The following VPS13D variants were observed in gnomAD, a reference collection of about 807,000 sequenced individuals.
The protein encoded by VPS13D is intermembrane lipid transfer protein VPS13D.
A neutral mutation model predicts 461.9 loss-of-function variants in VPS13D; 187 were observed. That is an observed-to-expected ratio of 0.40 (90% CI 0.36 to 0.46). VPS13D has a LOEUF of 0.46. Among genes scored for constraint, VPS13D ranks in the 20% least tolerant of loss-of-function variants. The pLI is 0.60. For missense variants in VPS13D, 4,711 were observed against 5,364.9 expected, an observed-to-expected ratio of 0.88 and a Z score of 3.81; for synonymous variants, 1,951 against 1,986.3, an observed-to-expected ratio of 0.98 and a Z score of 0.47.
chr1:12,508,307 C>G (rs909792235), intron 69 of VPS13D, among the ~76,000 whole-genome samples: 3 of 152,136 alleles, frequency 2.0e-5, no homozygotes, highest in African/African-American at 7.2e-5. Flanking sequence ...GATGTGAATC[C>G]CCCATTCTTG....
intron 67 of VPS13D, chr1:12,478,799 A>G (rs1645671419): frequency 2.2e-6 from 1 of 455,920 alleles, no homozygotes; most frequent in African/African-American, 2.0e-5. Context: ...TTTGTGGTAT[A>G]ATGTTGCTGG....
chr1:12,506,786 G>A, intron 68 of VPS13D, 67 bp from the exon 69 acceptor site: 2 of 1,571,804 alleles, frequency 1.3e-6, no homozygotes, highest in Non-Finnish European at 1.7e-6. Context: ...AGAGCCCGCA[G>A]TGGGCCTCCC....
chr1:12,309,936 G>A (rs534781723), intron 27 of VPS13D, among the ~76,000 whole-genome samples: 4 of 152,238 alleles, frequency 2.6e-5, no homozygotes, highest in Admixed American at 1.3e-4. Flanking sequence ...TCACTGGGAT[G>A]TTTGTGTTTC....
At position 12,268,733 on chromosome 1, in the gene VPS13D, A is replaced by C; in HGVS notation, c.1829A>C (p.Glu610Ala). 1 of 1,613,096 alleles carries C rather than the reference A, an allele frequency of 6.2e-7. No homozygotes were observed. The highest frequency in any genetic ancestry group is 8.5e-7 in the Non-Finnish European group (1 of 1,179,716). Reference protein sequence around the residue: ...PAADPDGPVFEMLYERNPAHS... With the variant: ...PAADPDGPVFAMLYERNPAHS... The stretch of plus-strand genomic sequence containing the variant: ...GCAGATCCAGATGGCCCCGTTTTTG[A>C]GATGCTGTATGAGAGAAATCCGGCG... The change falls in exon 16 of 70, where the codon GAG (glutamate) becomes GCG (alanine). Residue 610 changes from glutamate (E) to alanine (A), a missense_variant. Physicochemically the swap from Glu to Ala is moderately radical, Grantham distance 107. Around this residue, in one of 3 missense-constraint regions of VPS13D, gnomAD observed 4,411 missense variants for 4,937.8 expected, o/e 0.89. Coordinates refer to ENST00000620676, the MANE Select transcript of VPS13D (RefSeq NM_015378.4).
intron 57 of VPS13D, among the ~76,000 whole-genome samples, chr1:12,379,925 C>T (rs551116951): frequency 3.3e-5 from 5 of 152,074 alleles, no homozygotes; most frequent in East Asian, 1.9e-4. Flanking sequence ...CCCGCCACCA[C>T]GCCCGGCTAA....
chr1:12,235,117 C>T (rs1253168274), intron 2 of VPS13D, among the ~76,000 whole-genome samples: 2 of 152,114 alleles, frequency 1.3e-5, no homozygotes, highest in Admixed American at 6.5e-5. Context: ...CAGTTTGCCA[C>T]GTGTGTAAAA....
At chr1:12,289,894 C>T (rs1642078041) in intron 22 of VPS13D, among the ~76,000 whole-genome samples, 1 of 151,972 alleles carries the variant, frequency 6.6e-6, no homozygotes, top group African/African-American at 2.4e-5. Flanking sequence ...CATGATTGTG[C>T]CACTGCACTG....
chr1:12,445,558 G>A (rs758158720), intron 65 of VPS13D, among the ~76,000 whole-genome samples: 3 of 152,186 alleles, frequency 2.0e-5, no homozygotes, highest in Non-Finnish European at 4.4e-5. Flanking sequence ...AGATAGCAAA[G>A]GTTGGAATGA....
rs558888359 is a variant in VPS13D, at chr1:12,508,365, C to G, written c.13036-528C>G. On this transcript the variant is annotated intron_variant, in intron 69 of 69. Coordinates refer to ENST00000620676, the MANE Select transcript of VPS13D (RefSeq NM_015378.4). The stretch of plus-strand genomic sequence containing the variant: ...TCAGTTATGGCCGTGGGGGGGAGTT[C>G]CCAAATGTCAGGTGAGTATGGGTTG... 1.1e-3 allele frequency among the ~76,000 whole-genome samples: 161 copies of G among 152,010 alleles called. 3 individuals are homozygous for G. In the South Asian group the frequency reaches 0.015, roughly 15 times the overall value.
chr1:12,442,992 C>T (rs760257716), intron 65 of VPS13D, among the ~76,000 whole-genome samples: 6 of 152,132 alleles, frequency 3.9e-5, no homozygotes, highest in Admixed American at 6.5e-5. Context: ...TAGAATATTG[C>T]GTAGTATATG....
At chr1:12,304,462 C>G in intron 25 of VPS13D, 44 bp from the exon 26 acceptor site, 1 of 1,550,704 alleles carries the variant, frequency 6.4e-7, no homozygotes, top group Non-Finnish European at 8.8e-7. Context: ...AGTGCTGCCC[C>G]CTTCCCATTT....
rs76782506 is a variant in VPS13D, at chr1:12,260,696, G to A, written c.1114G>A (p.Glu372Lys). ...GGLLSTDDKE[E>K]MCRIEEEQSF... ...GCTTTTGTTTTCACCCAAACAGGAGGAAATGTGTCGGATTGAAGAGGAACA... is the reference window on the plus strand; with the variant it reads ...GCTTTTGTTTTCACCCAAACAGGAGAAAATGTGTCGGATTGAAGAGGAACA... Residue 372 changes from glutamate to lysine, a missense_variant, in exon 11 of 70, where the codon GAA (glutamate) becomes AAA (lysine). Glu to Lys is a moderately conservative substitution (Grantham distance 56). Around this residue, in one of 3 missense-constraint regions of VPS13D, gnomAD observed 4,411 missense variants for 4,937.8 expected, o/e 0.89. Coordinates refer to ENST00000620676, the MANE Select transcript of VPS13D (RefSeq NM_015378.4). 1,833 of 1,614,094 alleles carry A rather than the reference G, an allele frequency of 1.1e-3. 25 individuals carry two copies. In the East Asian group the frequency reaches 0.036, roughly 32 times the overall value.
intron 23 of VPS13D, among the ~76,000 whole-genome samples, chr1:12,293,304 C>T (rs567402189): frequency 3.0e-4 from 46 of 152,320 alleles, no homozygotes; most frequent in South Asian, 2.9e-3. Flanking sequence ...AGTGCTAGAG[C>T]TGTCCACCTG....
At chr1:12,290,742 A>G (rs959565607) in intron 22 of VPS13D, among the ~76,000 whole-genome samples, 1 of 151,686 alleles carries the variant, frequency 6.6e-6, no homozygotes, top group Non-Finnish European at 1.5e-5. Flanking sequence ...AAAAAATGTA[A>G]TGTTGCTGTA....
intron 35 of VPS13D, among the ~76,000 whole-genome samples, chr1:12,327,286 C>A (rs575624094): frequency 6.6e-6 from 1 of 152,102 alleles, no homozygotes; most frequent in African/African-American, 2.4e-5. Flanking sequence ...CAAGTGGCGC[C>A]GTGTCTGGAT....
chr1:12,410,159 G>A (rs1269104494), intron 63 of VPS13D, among the ~76,000 whole-genome samples: 1 of 152,200 alleles, frequency 6.6e-6, no homozygotes. Flanking sequence ...TTTCTTTCTT[G>A]AGATATTTGA....
chr1:12,244,102 C>G, intron 3 of VPS13D, 144 bp from the exon 4 acceptor site: 2 of 750,068 alleles, frequency 2.7e-6, no homozygotes, highest in Non-Finnish European at 2.1e-6. Flanking sequence ...TTCACATGTG[C>G]AAGAGCCTGC....
At position 12,504,901 on chromosome 1, in the gene VPS13D, A is replaced by C. The variant is rs576864877; in HGVS notation, c.12795-1952A>C. Among the ~76,000 whole-genome samples the C allele has an allele frequency of 5.2e-3, 799 of 152,268 alleles. 10 individuals are homozygous for C. Among genetic ancestry groups the C allele is most frequent in the African/African-American group, 0.018 (764 of 41,550 alleles). On this transcript the variant is annotated intron_variant, in intron 68 of 69. Transcript: ENST00000620676. ...GATGGGAAGCCCTTGGCTGACATGT[A>C]AATGTCAGCTATGTCAAGTGCCCAG...
intron 65 of VPS13D, among the ~76,000 whole-genome samples, chr1:12,427,009 C>T (rs1029211057): frequency 2.6e-5 from 4 of 151,906 alleles, no homozygotes; most frequent in South Asian, 2.1e-4. Flanking sequence ...AGTGAGTCTT[C>T]GTCTCAAGAA....
Sources: allele counts gnomAD v4.1 joint callset (sites outside exome capture counted in the v4.1 genomes callset), GRCh38; gene constraint gnomAD v4.1.1; regional missense constraint gnomAD v4.1.1; transcripts MANE v1.5; gene names NCBI Gene and HGNC (gene_info 2026-07-23, HGNC 2026-07-21).